Variants in ASIC2 observed in about 807,000 individuals in gnomAD.
ASIC2 encodes the protein acid-sensing ion channel 2.
ASIC2 carries 25 observed loss-of-function variants against 57.3 expected under a neutral mutation model. The observed-to-expected ratio is 0.44, with a 90% CI of 0.32 to 0.61. The LOEUF (loss-of-function observed/expected upper bound fraction) is 0.61. Ranked by LOEUF, ASIC2 falls within the 20% of genes least tolerant of loss-of-function variation. The pLI is 0.06. For missense variants in ASIC2, 641 were observed against 738.1 expected, an observed-to-expected ratio of 0.87 and a Z score of 1.52; for synonymous variants, 319 against 307.5, an observed-to-expected ratio of 1.04 and a Z score of -0.39.
intron 1 of ASIC2, among the ~76,000 whole-genome samples, chr17:33,824,962 C>T (rs1240933415): frequency 2.6e-5 from 4 of 152,142 alleles, no homozygotes; most frequent in Non-Finnish European, 4.4e-5. Flanking sequence ...ATGACACCCA[C>T]CTCACAGGGT....
chr17:33,285,997 C>G (rs1905154744), intron 1 of ASIC2, among the ~76,000 whole-genome samples: 1 of 152,194 alleles, frequency 6.6e-6, no homozygotes, highest in African/African-American at 2.4e-5. Flanking sequence ...GGTCTAAGCA[C>G]CTCACATGTA....
rs969020213 is a variant in ASIC2, at chr17:33,953,773, G to A, written c.555+202205C>T. Among the ~76,000 whole-genome samples, 6 of 152,134 alleles carry A rather than the reference G, an allele frequency of 3.9e-5. No individual in the cohort carries two copies. The South Asian group carries it at 8.3e-4, about 21-fold the overall frequency. ...GAGTGTTGTGGGTGGTGGCTTGGAC[G>A]GGAGAATGTGTCATTCAATGCTGGG... On this transcript the variant is annotated intron_variant, in intron 1 of 9. Coordinates refer to the ASIC2 transcript ENST00000359872.
chr17:33,252,156 G>C (rs1438888210), intron 1 of ASIC2, among the ~76,000 whole-genome samples: 1 of 152,094 alleles, frequency 6.6e-6, no homozygotes, highest in East Asian at 1.9e-4. Context: ...AGGCTATCTT[G>C]CTCAGATAGT....
At chr17:33,300,796 C>T (rs1905925175) in intron 1 of ASIC2, among the ~76,000 whole-genome samples, 1 of 152,002 alleles carries the variant, frequency 6.6e-6, no homozygotes, top group Non-Finnish European at 1.5e-5. Context: ...GGGAGAGAAC[C>T]AGAAGGTGTT....
intron 1 of ASIC2, among the ~76,000 whole-genome samples, chr17:33,556,430 T>A (rs931346856): frequency 1.2e-4 from 18 of 152,232 alleles, no homozygotes; most frequent in Non-Finnish European, 2.5e-4. Flanking sequence ...GCTGGGATGA[T>A]GTTACAGTTG....
intron 1 of ASIC2, chr17:34,039,819 G>C: frequency 6.2e-7 from 1 of 1,609,020 alleles, no homozygotes; most frequent in Non-Finnish European, 8.5e-7. Context: ...CAGTAAACCT[G>C]GCCTCCAATA....
At chr17:33,318,373 C>T (rs915440122) in intron 1 of ASIC2, among the ~76,000 whole-genome samples, 37 of 152,152 alleles carry the variant, frequency 2.4e-4, no homozygotes, top group Non-Finnish European at 4.7e-4. Context: ...GAACTGATTT[C>T]GCCTACTGCA....
intron 1 of ASIC2, among the ~76,000 whole-genome samples, chr17:33,481,076 C>T (rs1040162332): frequency 6.6e-6 from 1 of 152,210 alleles, no homozygotes; most frequent in African/African-American, 2.4e-5. Flanking sequence ...TTGTCTTCAT[C>T]TCTCTTGTGC....
chr17:33,898,404 T>G (rs1389495895), intron 1 of ASIC2, among the ~76,000 whole-genome samples: 2 of 151,564 alleles, frequency 1.3e-5, no homozygotes, highest in Non-Finnish European at 2.9e-5. Context: ...CCCAGCTAAT[T>G]TTTCTGTATT....
At chr17:34,017,527 T>C (rs1252704747) in intron 1 of ASIC2, among the ~76,000 whole-genome samples, 1 of 152,226 alleles carries the variant, frequency 6.6e-6, no homozygotes, top group East Asian at 1.9e-4. Flanking sequence ...GAGGAAGGCA[T>C]GCTGAAAGCC....
chr17:34,021,711 A>G (rs1907163973), intron 1 of ASIC2, among the ~76,000 whole-genome samples: 1 of 152,180 alleles, frequency 6.6e-6, no homozygotes, highest in South Asian at 2.1e-4. Context: ...AGAGATTCAC[A>G]GTGTTAGGTC....
chr17:33,411,300 C>A (rs142471314), intron 1 of ASIC2, among the ~76,000 whole-genome samples: 2 of 152,158 alleles, frequency 1.3e-5, no homozygotes, highest in African/African-American at 4.8e-5. Context: ...ACCATTTGTC[C>A]TCCAGTGATT....
intron 1 of ASIC2, among the ~76,000 whole-genome samples, chr17:33,133,737 A>G (rs1373012424): frequency 6.6e-6 from 1 of 152,192 alleles, no homozygotes; most frequent in East Asian, 1.9e-4. Context: ...CATTGGAGTG[A>G]TGATGAACAC....
At chr17:33,966,628 C>T (rs1905082931) in intron 1 of ASIC2, among the ~76,000 whole-genome samples, 1 of 152,188 alleles carries the variant, frequency 6.6e-6, no homozygotes, top group Non-Finnish European at 1.5e-5. Context: ...TCTCACTTTA[C>T]CCTTTCATCA....
At chr17:33,198,089 C>A (rs776471874) in intron 1 of ASIC2, among the ~76,000 whole-genome samples, 30 of 152,206 alleles carry the variant, frequency 2.0e-4, no homozygotes, top group Non-Finnish European at 2.6e-4. Context: ...GTGGCTCATG[C>A]CTGTAATCCC....
At chr17:33,414,723 C>T (rs189136515) in intron 1 of ASIC2, among the ~76,000 whole-genome samples, 101 of 152,270 alleles carry the variant, frequency 6.6e-4, no homozygotes, top group African/African-American at 2.2e-3. Context: ...ATGCTGAACA[C>T]GTTTCATTTC....
chr17:34,085,353 T>C (rs1910070386), intron 1 of ASIC2, among the ~76,000 whole-genome samples: 1 of 152,238 alleles, frequency 6.6e-6, no homozygotes, highest in Non-Finnish European at 1.5e-5. Flanking sequence ...CTGATTTGTG[T>C]ATATTGAACC....
At chr17:33,919,423 C>A (rs549842954) in intron 1 of ASIC2, among the ~76,000 whole-genome samples, 2 of 152,160 alleles carry the variant, frequency 1.3e-5, no homozygotes, top group Admixed American at 6.5e-5. Context: ...GGGAAAGGAC[C>A]TTTTATTCAA....
rs1002149354 is a variant in ASIC2 at position 33,368,842 on chromosome 17, C to G, written c.556-256775G>C. Reference sequence around the variant, plus strand: ...ACCCGTCTTAGCTCAGGATCCTCTCCCATGCCACAAACTTTCCACAGGGAG... The same window carrying G: ...ACCCGTCTTAGCTCAGGATCCTCTCGCATGCCACAAACTTTCCACAGGGAG... On this transcript the variant is annotated intron_variant, in intron 1 of 9. Transcript: ENST00000359872. Among the ~76,000 whole-genome samples, 91 of 152,268 alleles carry G rather than the reference C, an allele frequency of 6.0e-4. 1 individual carries two copies. Among genetic ancestry groups the G allele is most frequent in the African/African-American group, 2.1e-3 (88 of 41,532 alleles).
Sources: allele counts gnomAD v4.1 joint callset (sites outside exome capture counted in the v4.1 genomes callset), GRCh38; gene constraint gnomAD v4.1.1; transcripts MANE v1.5; gene names NCBI Gene and HGNC (gene_info 2026-07-23, HGNC 2026-07-21).